Variants in PTPRN2 observed in about 807,000 individuals in gnomAD.
PTPRN2 encodes the protein protein tyrosine phosphatase receptor type N2.
In PTPRN2, 74 loss-of-function variants were observed where a neutral mutation model predicts 118.8. That is an observed-to-expected ratio of 0.62 (90% CI 0.52 to 0.76). The LOEUF (loss-of-function observed/expected upper bound fraction) is 0.76, where lower values mean the gene tolerates loss of function less well. Ranked by LOEUF, PTPRN2 falls within the 30% of genes least tolerant of loss-of-function variation. PTPRN2 has a pLI of 0.00. For missense variants in PTPRN2, 1,481 were observed against 1,394.4 expected (o/e 1.06, Z -0.99); for synonymous variants, 641 against 608.0 (o/e 1.05, Z -0.80).
intron 12 of PTPRN2, among the ~76,000 whole-genome samples, chr7:157,730,067 G>A (rs942904833): frequency 6.6e-6 from 1 of 152,100 alleles, no homozygotes; most frequent in Non-Finnish European, 1.5e-5. Flanking sequence ...TAACGATATG[G>A]GCTTATAGGG....
chr7:158,071,369 G>GGTGGTGGAGGTGCTT (rs1811540111), intron 11 of PTPRN2, among the ~76,000 whole-genome samples: 1 of 76,956 alleles, frequency 1.3e-5, no homozygotes, highest in Non-Finnish European at 2.5e-5. Context: ...AGGTGCTCAT[G>GGTGGTGGAGGTGCTT]GTGGTGGAGG....
At chr7:157,772,250 G>A (rs1802899020) in intron 12 of PTPRN2, among the ~76,000 whole-genome samples, 1 of 124,656 alleles carries the variant, frequency 8.0e-6, no homozygotes, top group African/African-American at 3.6e-5. Context: ...CACAGACACA[G>A]ACGCACACAG....
At chr7:157,954,614 T>C (rs913002796) in intron 11 of PTPRN2, among the ~76,000 whole-genome samples, 2 of 151,404 alleles carry the variant, frequency 1.3e-5, no homozygotes, top group Non-Finnish European at 2.9e-5. Context: ...GTGGTGTGGG[T>C]TGTGGTGCCT....
chr7:157,776,333 TCTC>T (rs139778901), intron 12 of PTPRN2, among the ~76,000 whole-genome samples: 4,779 of 60,784 alleles, frequency 0.079, 419 homozygotes, highest in African/African-American at 0.25. Context: ...TCCTCCTCCA[TCTC>T]CTCCTCCTCC....
chr7:158,288,227 ATT>A (rs1216783088), intron 3 of PTPRN2, among the ~76,000 whole-genome samples: 1 of 151,996 alleles, frequency 6.6e-6, no homozygotes, highest in Non-Finnish European at 1.5e-5. Flanking sequence ...GTTGGGTCCT[ATT>A]TTTCAGCCAT....
rs555353746 is a variant in PTPRN2, at chr7:158,058,542, C to T, written c.1723+22756G>A. 8.3e-5 allele frequency among the ~76,000 whole-genome samples: 7 copies of T among 84,364 alleles called. No individual in the cohort carries two copies. The East Asian group carries it at 2.6e-3, about 31-fold the overall frequency. 55.3% of individuals were successfully genotyped at this position (84,364 alleles called of 152,430 possible). On this transcript the variant is annotated intron_variant, in intron 11 of 22. Coordinates refer to ENST00000389418, the MANE Select transcript of PTPRN2 (RefSeq NM_002847.5). Reference sequence around the variant, plus strand: ...TCACTGCAGCCACACTCCATCTGCACACGGTGAGACATCACTGCAGCCACA... The same window carrying T: ...TCACTGCAGCCACACTCCATCTGCATACGGTGAGACATCACTGCAGCCACA...
At chr7:157,725,262 G>A (rs372838557) in intron 12 of PTPRN2, among the ~76,000 whole-genome samples, 15 of 139,750 alleles carry the variant, frequency 1.1e-4, no homozygotes, top group East Asian at 8.7e-4. Flanking sequence ...AGAGGAGTGA[G>A]CCAGACCCTG....
At chr7:158,188,238 G>GTACTGGGAAGGCCGCCACGCCCA (rs1825379948) in intron 5 of PTPRN2, among the ~76,000 whole-genome samples, 1 of 63,638 alleles carries the variant, frequency 1.6e-5, no homozygotes, top group Admixed American at 1.9e-4. Flanking sequence ...CGCCACGCTT[G>GTACTGGGAAGGCCGCCACGCCCA]CCCCGCGATG....
chr7:157,828,549 C>T (rs1309516977), intron 12 of PTPRN2, among the ~76,000 whole-genome samples: 1 of 141,692 alleles, frequency 7.1e-6, no homozygotes. Flanking sequence ...GAGAGACGTC[C>T]TGGTTACTGC....
Position 157,948,914 on chromosome 7 carries a change from A to T in PTPRN2, c.1724-50177T>A, listed in dbSNP as rs141028705. On this transcript the variant is annotated intron_variant, in intron 11 of 22. Transcript: ENST00000389418. ...TGCAGATTTTTTTCAACCAAATGTG[A>T]ATTGAAAATATAGTACTCGTGGGAT... Among the ~76,000 whole-genome samples the T allele has an allele frequency of 3.9e-3, 589 of 152,312 alleles. 4 individuals carry two copies. Among genetic ancestry groups the T allele is most frequent in the African/African-American group, 0.013 (558 of 41,562 alleles).
chr7:158,194,224 T>C (rs1050655907), intron 4 of PTPRN2, among the ~76,000 whole-genome samples: 10 of 152,226 alleles, frequency 6.6e-5, no homozygotes, highest in African/African-American at 2.2e-4. Context: ...GCACACACCA[T>C]GCTTCTAATA....
At position 157,928,780 on chromosome 7, in the gene PTPRN2, A is replaced by G. The variant is rs556849051; in HGVS notation, c.1724-30043T>C. ...ATAGGGATGGGAGAGAGAGCGGGGC[A>G]GATGGCAGGGCACAGGGATAGAGGG... On this transcript the variant is annotated intron_variant, in intron 11 of 22. Coordinates refer to ENST00000389418, the MANE Select transcript of PTPRN2 (RefSeq NM_002847.5). 6.1e-5 allele frequency among the ~76,000 whole-genome samples: 9 copies of G among 146,730 alleles called. 1 individual carries two copies. In the South Asian group the frequency reaches 2.0e-3, roughly 33 times the overall value.
chr7:157,945,881 G>A (rs1800456754), intron 11 of PTPRN2, among the ~76,000 whole-genome samples: 1 of 152,086 alleles, frequency 6.6e-6, no homozygotes, highest in South Asian at 2.1e-4. Flanking sequence ...GTCACCAACA[G>A]CTGGGGCATT....
At chr7:158,059,418 A>G (rs1408636941) in intron 11 of PTPRN2, among the ~76,000 whole-genome samples, 10 of 109,178 alleles carry the variant, frequency 9.2e-5, no homozygotes, top group Non-Finnish European at 1.2e-4. Flanking sequence ...CTGCAGCCAC[A>G]CTCCATCTGC....
intron 11 of PTPRN2, among the ~76,000 whole-genome samples, chr7:157,965,676 T>C (rs1011325078): frequency 3.9e-5 from 6 of 152,120 alleles, no homozygotes; most frequent in African/African-American, 1.4e-4. Flanking sequence ...AAGGTGTTCT[T>C]TTCTTATCAT....
intron 3 of PTPRN2, among the ~76,000 whole-genome samples, chr7:158,218,003 C>T (rs899069134): frequency 6.6e-6 from 1 of 152,122 alleles, no homozygotes; most frequent in South Asian, 2.1e-4. Flanking sequence ...AGAGAGTAAG[C>T]AACTTGGAAA....
chr7:157,610,180 C>T lies in PTPRN2; in HGVS notation c.2345-6105G>A, dbSNP rs1345944681. ...CCACGGTGCTGCTGTTTGGAGGATG[C>T]GTGAGGCCATCTGTGAAGCCACTGC... is the stretch of plus-strand genomic sequence containing the variant. On this transcript the variant is annotated intron_variant, in intron 15 of 22. Transcript: ENST00000389418. This position sits in a 1 kb window ranked among gnomAD's most constrained non-coding sequence, Gnocchi z 5.1. Among the ~76,000 whole-genome samples, 2 of 152,172 alleles carry T rather than the reference C, an allele frequency of 1.3e-5. No homozygotes were observed. Among genetic ancestry groups the T allele is most frequent in the African/African-American group, 2.4e-5 (1 of 41,438 alleles).
In PTPRN2 at chr7:157,910,368, C is replaced by T. The variant is rs58522116; in HGVS notation, c.1724-11631G>A. Among the ~76,000 whole-genome samples the T allele has an allele frequency of 3.2e-3, 463 of 145,536 alleles. 6 individuals are homozygous for T. Among genetic ancestry groups the T allele is most frequent in the African/African-American group, 0.011 (427 of 38,770 alleles). On this transcript the variant is annotated intron_variant, in intron 11 of 22. Coordinates refer to ENST00000389418, the MANE Select transcript of PTPRN2 (RefSeq NM_002847.5). ...GAACGGGTCCAGGATCAGGCACGTA[C>T]GCCGGATCACGCACGTACGCCGTGG...
intron 12 of PTPRN2, among the ~76,000 whole-genome samples, chr7:157,700,748 A>C (rs1798024607): frequency 6.6e-6 from 1 of 152,068 alleles, no homozygotes; most frequent in African/African-American, 2.4e-5. Context: ...AAGGACACAC[A>C]GGGGCGCCTC....
Sources: gnomAD v4.1 joint callset for allele counts (sites outside exome capture counted in the v4.1 genomes callset) on GRCh38, gnomAD v4.1.1 for gene constraint, Gnocchi (gnomAD v3.1) non-coding constraint, MANE v1.5 for transcripts, NCBI Gene and HGNC (gene_info 2026-07-23, HGNC 2026-07-21) for gene names.